ZBTB7C: variants seen among roughly 807,000 people sequenced by gnomAD.
The protein encoded by ZBTB7C is zinc finger and BTB domain-containing protein 7C.
In ZBTB7C, 8 loss-of-function variants were observed where a neutral mutation model predicts 25.7. The observed-to-expected ratio is 0.31, with a 90% confidence interval of 0.18 to 0.56. The LOEUF is 0.56. Ranked by LOEUF, ZBTB7C falls within the 20% of genes least tolerant of loss-of-function variation. ZBTB7C has a pLI of 0.91. For synonymous variants in ZBTB7C, 394 were observed against 369.0 expected (o/e 1.07, Z -0.78); for missense variants, 824 against 855.2 (o/e 0.96, Z 0.46).
At chr18:48,046,162 T>G (rs1037865309) in intron 3 of ZBTB7C, among the ~76,000 whole-genome samples, 7 of 152,276 alleles carry the variant, frequency 4.6e-5, no homozygotes, top group African/African-American at 1.4e-4. Context: ...TTTAAGCCAC[T>G]ACATTTTTGT....
intron 3 of ZBTB7C, among the ~76,000 whole-genome samples, chr18:48,155,630 C>T (rs976556849): frequency 3.9e-5 from 6 of 152,032 alleles, no homozygotes; most frequent in African/African-American, 7.2e-5. Context: ...CCACCGCGCC[C>T]GGCCAACTCT....
chr18:48,361,657 C>T (rs1488168006), intron 1 of ZBTB7C, among the ~76,000 whole-genome samples: 1 of 152,220 alleles, frequency 6.6e-6, no homozygotes, highest in African/African-American at 2.4e-5. Flanking sequence ...CCCCAGGGCA[C>T]ACTGGAATCC....
intron 3 of ZBTB7C, among the ~76,000 whole-genome samples, chr18:48,110,152 A>G (rs1216689160): frequency 1.3e-5 from 2 of 152,226 alleles, no homozygotes; most frequent in African/African-American, 4.8e-5. Flanking sequence ...GTGCCCAGAC[A>G]AGGCACAGTA....
chr18:48,137,634 A>G (rs1386118489), intron 3 of ZBTB7C, among the ~76,000 whole-genome samples: 2 of 152,226 alleles, frequency 1.3e-5, no homozygotes, highest in Admixed American at 6.5e-5. Flanking sequence ...ATCAAACACT[A>G]AACAGCAATC....
Position 48,029,595 on chromosome 18 carries a change from G to C in ZBTB7C, c.1525C>G (p.Pro509Ala), listed in dbSNP as rs903084064. The C allele has an allele frequency of 1.3e-6, 2 of 1,490,332 alleles. No individual in the cohort carries two copies. Among genetic ancestry groups the C allele is most frequent in the Non-Finnish European group, 1.8e-6 (2 of 1,131,758 alleles). 92.3% of individuals were successfully genotyped at this position (1,490,332 alleles called of 1,614,324 possible). A position where few individuals can be genotyped will look rare whatever the true frequency, so the allele number is the denominator to read the frequency against. The change falls in exon 5 of 5, where the codon CCT becomes GCT. Residue 509 changes from proline to alanine, a missense_variant. Physicochemically the swap from Pro to Ala is conservative, Grantham distance 27. This residue lies in a region of ZBTB7C where 342 missense variants were observed against 307.0 expected (regional missense o/e 1.11). Transcript: ENST00000590800. ...TGGCCGCCCACCTCGCCCAGCGCAG[G>C]GGGCATCACGAAGGCCGCCTTGTCG... ...APDKAAFVMP[P>A]ALGEVGGHLG...
intron 3 of ZBTB7C, among the ~76,000 whole-genome samples, chr18:48,168,734 G>A (rs2041357050): frequency 6.6e-6 from 1 of 152,172 alleles, no homozygotes; most frequent in South Asian, 2.1e-4. Flanking sequence ...CATTTTCCAT[G>A]TTTGGGACAA....
intron 2 of ZBTB7C, among the ~76,000 whole-genome samples, chr18:48,268,959 T>TG (rs2044393739): frequency 2.7e-5 from 1 of 37,242 alleles, no homozygotes; most frequent in Non-Finnish European, 5.4e-5. Flanking sequence ...GCTCTGTTTC[T>TG]TTTTTTTTTT....
intron 2 of ZBTB7C, among the ~76,000 whole-genome samples, chr18:48,193,377 C>G (rs948848420): frequency 6.0e-4 from 91 of 152,280 alleles, no homozygotes; most frequent in African/African-American, 2.0e-3. Context: ...CAGCCTTTTC[C>G]TATTCCCCAC....
At chr18:48,153,910 G>A (rs12454335) in intron 3 of ZBTB7C, among the ~76,000 whole-genome samples, 59,676 of 152,064 alleles carry the variant, frequency 0.39, 13,251 homozygotes, top group East Asian at 0.54. Context: ...GGAAGCCCCA[G>A]GGCCTAGGAG....
At chr18:48,365,264 T>A (rs1568402709) in intron 1 of ZBTB7C, among the ~76,000 whole-genome samples, 1 of 152,246 alleles carries the variant, frequency 6.6e-6, no homozygotes, top group Non-Finnish European at 1.5e-5. Flanking sequence ...AGATCTGGGA[T>A]AAAGTCTGGG....
rs538729672 is a variant in ZBTB7C at position 48,093,795 on chromosome 18, C to G, written c.-16-52672G>C. On this transcript the variant is annotated intron_variant, in intron 3 of 4. Transcript: ENST00000590800. ...CTTCGGCCAGGCGCGGTGGCTCACG[C>G]CTGTAATCCCAGCACTTTGGGAGGC... 1.1e-3 allele frequency among the ~76,000 whole-genome samples: 172 copies of G among 152,324 alleles called. 2 individuals are homozygous for G. Among genetic ancestry groups the G allele is most frequent in the Non-Finnish European group, 1.9e-3 (127 of 68,032 alleles).
At chr18:48,200,512 G>A (rs1056883546) in intron 2 of ZBTB7C, among the ~76,000 whole-genome samples, 2 of 152,136 alleles carry the variant, frequency 1.3e-5, no homozygotes, top group African/African-American at 2.4e-5. Flanking sequence ...ACAAGCATCA[G>A]CAGGTGTGAA....
At chr18:48,256,079 G>C (rs988414990) in intron 2 of ZBTB7C, among the ~76,000 whole-genome samples, 1 of 152,014 alleles carries the variant, frequency 6.6e-6, no homozygotes, top group African/African-American at 2.4e-5. Context: ...TGGAGGACAG[G>C]AATAAAGTAT....
chr18:48,229,197 C>T (rs2043186795), intron 2 of ZBTB7C, among the ~76,000 whole-genome samples: 1 of 152,166 alleles, frequency 6.6e-6, no homozygotes, highest in Non-Finnish European at 1.5e-5. Context: ...TGTGTGCCAC[C>T]AGCCTTCCTG....
chr18:48,402,829 T>C lies in ZBTB7C; in HGVS notation c.-304+6397A>G, dbSNP rs369629263. On this transcript the variant is annotated intron_variant, in intron 1 of 4. Transcript: ENST00000590800. ...GTGTTGTAGGATGTTTTTGATTTTA[T>C]TCTTTTCCATATTTTCCCAATTTTC... Among the ~76,000 whole-genome samples the C allele has an allele frequency of 8.5e-5, 13 of 152,370 alleles. No individual in the cohort carries two copies. The East Asian group carries it at 2.3e-3, about 27-fold the overall frequency.
intron 2 of ZBTB7C, among the ~76,000 whole-genome samples, chr18:48,336,104 A>C (rs1598897924): frequency 6.6e-6 from 1 of 151,866 alleles, no homozygotes; most frequent in African/African-American, 2.4e-5. Flanking sequence ...TCCTGGACCC[A>C]CCCCTCCTGC....
intron 2 of ZBTB7C, among the ~76,000 whole-genome samples, chr18:48,321,507 C>A (rs1262852386): frequency 1.3e-5 from 2 of 152,196 alleles, no homozygotes; most frequent in Admixed American, 6.5e-5. Flanking sequence ...CAGGCTGATT[C>A]TAAGGCCAGA....
chr18:48,333,157 A>G (rs1365295402), intron 2 of ZBTB7C, among the ~76,000 whole-genome samples: 1 of 152,216 alleles, frequency 6.6e-6, no homozygotes, highest in African/African-American at 2.4e-5. Flanking sequence ...TTTTATCAGA[A>G]GAATCATGAA....
chr18:48,078,569 T>C (rs752423476), intron 3 of ZBTB7C, among the ~76,000 whole-genome samples: 3 of 152,198 alleles, frequency 2.0e-5, no homozygotes, highest in Non-Finnish European at 2.9e-5. Flanking sequence ...CGTGGGATGC[T>C]TGGGGGCTCC....
Sources: gnomAD v4.1 joint callset for allele counts (sites outside exome capture counted in the v4.1 genomes callset) on GRCh38, gnomAD v4.1.1 for gene constraint, gnomAD v4.1.1 regional missense constraint, MANE v1.5 for transcripts, NCBI Gene and HGNC (gene_info 2026-07-23, HGNC 2026-07-21) for gene names.